SEMA3E: variants seen among roughly 807,000 people sequenced by gnomAD.
SEMA3E encodes the protein semaphorin-3E.
Under a neutral mutation model 93.6 loss-of-function variants are expected in SEMA3E, and 49 were observed. The observed-to-expected ratio is 0.52, with a 90% CI of 0.42 to 0.66. The LOEUF (loss-of-function observed/expected upper bound fraction) is 0.66, where lower values mean the gene tolerates loss of function less well. Among genes scored for constraint, SEMA3E ranks in the 30% least tolerant of loss-of-function variants. The probability of loss-of-function intolerance (pLI) is 0.00; values close to 1 mark genes in which losing one functional copy is unlikely to be tolerated. For synonymous variants in SEMA3E, 363 were observed against 330.7 expected, an observed-to-expected ratio of 1.10 and a Z score of -1.06; for missense variants, 906 against 964.8, an observed-to-expected ratio of 0.94 and a Z score of 0.81.
chr7:83,482,292 C>T (rs1008928013), intron 2 of SEMA3E, among the ~76,000 whole-genome samples: 34 of 152,158 alleles, frequency 2.2e-4, no homozygotes, highest in Admixed American at 1.6e-3. Flanking sequence ...AGAGGCCAGG[C>T]GCAGTGGCCC....
chr7:83,481,302 C>T (rs1037040933), intron 2 of SEMA3E, among the ~76,000 whole-genome samples: 3 of 152,066 alleles, frequency 2.0e-5, no homozygotes, highest in East Asian at 1.9e-4. Context: ...TTTACTTAGA[C>T]AATAGTTTTC....
At chr7:83,563,234 C>A (rs1267586492) in intron 1 of SEMA3E, among the ~76,000 whole-genome samples, 2 of 152,158 alleles carry the variant, frequency 1.3e-5, no homozygotes, top group African/African-American at 4.8e-5. Context: ...CTTATGGTGT[C>A]ATGATTATCA....
At chr7:83,591,399 C>T (rs962949340) in intron 1 of SEMA3E, among the ~76,000 whole-genome samples, 1 of 151,474 alleles carries the variant, frequency 6.6e-6, no homozygotes, top group Non-Finnish European at 1.5e-5. Context: ...AGCGTTCCAA[C>T]TCCAAGTTTG....
At chr7:83,466,161 GT>G (rs1789751386) in intron 4 of SEMA3E, among the ~76,000 whole-genome samples, 1 of 152,088 alleles carries the variant, frequency 6.6e-6, no homozygotes, top group East Asian at 1.9e-4. Flanking sequence ...ACATATTCCA[GT>G]TTGGTGGTTA....
intron 1 of SEMA3E, among the ~76,000 whole-genome samples, chr7:83,586,175 T>A (rs1047082016): frequency 6.6e-6 from 1 of 152,084 alleles, no homozygotes; most frequent in African/African-American, 2.4e-5. Flanking sequence ...AGAGAAGAAA[T>A]CCTTATGACA....
chr7:83,644,777 C>G (rs1280130701), intron 1 of SEMA3E, among the ~76,000 whole-genome samples: 1 of 151,972 alleles, frequency 6.6e-6, no homozygotes, highest in Non-Finnish European at 1.5e-5. Flanking sequence ...CACTCTATCA[C>G]AAGTTCTATC....
At chr7:83,611,890 T>C (rs1337150244) in intron 1 of SEMA3E, among the ~76,000 whole-genome samples, 4 of 152,134 alleles carry the variant, frequency 2.6e-5, no homozygotes, top group East Asian at 1.9e-4. Flanking sequence ...CTTTCCATCA[T>C]ACAGCTTATG....
rs1466268396 is a variant in SEMA3E at position 83,367,210 on chromosome 7, ATATT to A, written c.*372_*375del. The A allele has an allele frequency of 4.6e-6, 1 of 219,084 alleles. No homozygotes were observed. The highest frequency in any genetic ancestry group is 9.2e-6 in the Non-Finnish European group (1 of 108,876). 13.6% of individuals were successfully genotyped at this position (219,084 alleles called of 1,614,324 possible). ...AAGAAAAATTCAGAAATATTAAAAC[ATATT>A]TAGTTTTATATTTACCATGATTATA... On this transcript the variant is annotated 3_prime_UTR_variant, in exon 17 of 17. Coordinates refer to ENST00000643230, the MANE Select transcript of SEMA3E (RefSeq NM_012431.3).
intron 1 of SEMA3E, 121 bp downstream of exon 1, chr7:83,648,307 A>G (rs765384956): frequency 4.3e-6 from 3 of 703,762 alleles, no homozygotes; most frequent in Non-Finnish European, 7.3e-6. Context: ...TAAATTTTTC[A>G]GGTGCATTTT....
At chr7:83,401,359 A>C (rs73707822) in intron 10 of SEMA3E, among the ~76,000 whole-genome samples, 7,846 of 152,158 alleles carry the variant, frequency 0.052, 332 homozygotes, top group African/African-American at 0.11. Flanking sequence ...CACAAAGAGG[A>C]CATTTATAAT....
chr7:83,401,142 A>G (rs954363872), intron 10 of SEMA3E, among the ~76,000 whole-genome samples: 4 of 152,140 alleles, frequency 2.6e-5, no homozygotes, highest in African/African-American at 9.6e-5. Context: ...TGTTATGTCA[A>G]TTTTTAAACT....
intron 4 of SEMA3E, among the ~76,000 whole-genome samples, chr7:83,465,190 C>G (rs1435176796): frequency 1.3e-5 from 2 of 152,050 alleles, no homozygotes; most frequent in Non-Finnish European, 2.9e-5. Context: ...GACCCCCACT[C>G]CTGCCCACCA....
At chr7:83,552,703 G>C (rs977381301) in intron 1 of SEMA3E, among the ~76,000 whole-genome samples, 6 of 152,076 alleles carry the variant, frequency 3.9e-5, no homozygotes, top group African/African-American at 1.2e-4. Flanking sequence ...TTGAGATAAG[G>C]ACTGAGATAC....
intron 1 of SEMA3E, among the ~76,000 whole-genome samples, chr7:83,581,668 A>G (rs1263912335): frequency 1.3e-5 from 2 of 152,072 alleles, no homozygotes; most frequent in Non-Finnish European, 2.9e-5. Context: ...GACATCACAT[A>G]ACTTCAAAAT....
intron 1 of SEMA3E, among the ~76,000 whole-genome samples, chr7:83,529,713 G>T (rs2535367): frequency 0.85 from 128,610 of 152,016 alleles, 54,661 homozygotes; most frequent in South Asian, 0.95. Context: ...CCATTGAACT[G>T]AAATGCTAGG....
At chr7:83,392,848 T>TTA in intron 13 of SEMA3E, 127 bp from the exon 14 acceptor site, 1 of 919,878 alleles carries the variant, frequency 1.1e-6, no homozygotes, top group Non-Finnish European at 1.7e-6. Flanking sequence ...TCACTTAAAT[T>TTA]AGCAGTTTCA....
intron 1 of SEMA3E, among the ~76,000 whole-genome samples, chr7:83,601,105 G>C (rs1434592470): frequency 2.0e-5 from 3 of 152,090 alleles, no homozygotes; most frequent in African/African-American, 7.2e-5. Flanking sequence ...GCAAGGAAGG[G>C]GCCCCAGGCC....
chr7:83,611,253 ATATATATTATATATAAATT>A (rs1457415356), intron 1 of SEMA3E, among the ~76,000 whole-genome samples: 2 of 143,680 alleles, frequency 1.4e-5, no homozygotes, highest in Non-Finnish European at 3.0e-5. Flanking sequence ...ATATATATTT[ATATATATTATATATAAATT>A]TATATATTAT....
chr7:83,501,740 G>A (rs1182031960), intron 1 of SEMA3E, among the ~76,000 whole-genome samples: 1 of 152,016 alleles, frequency 6.6e-6, no homozygotes, highest in Non-Finnish European at 1.5e-5. Context: ...AACTTTTTAT[G>A]TTTTTGTTGA....
Sources: allele counts gnomAD v4.1 joint callset (sites outside exome capture counted in the v4.1 genomes callset), GRCh38; gene constraint gnomAD v4.1.1; transcripts MANE v1.5; gene names NCBI Gene and HGNC (gene_info 2026-07-23, HGNC 2026-07-21).